Variants in EXT1 observed in about 807,000 individuals in gnomAD.
EXT1 encodes the protein exostosin glycosyltransferase 1, also known as exostosin-1.
A neutral mutation model predicts 82.5 loss-of-function variants in EXT1; 20 were observed. The observed-to-expected ratio is 0.24, with a 90% CI of 0.17 to 0.35. The LOEUF (loss-of-function observed/expected upper bound fraction) is 0.35. Ranked by LOEUF, EXT1 falls within the 10% of genes least tolerant of loss-of-function variation. EXT1 has a pLI of 1.00. For synonymous variants in EXT1, 348 were observed against 350.8 expected (o/e 0.99, Z 0.09); for missense variants, 757 against 936.5 (o/e 0.81, Z 2.50).
At chr8:117,911,552 G>A (rs1300066259) in intron 1 of EXT1, among the ~76,000 whole-genome samples, 1 of 152,188 alleles carries the variant, frequency 6.6e-6, no homozygotes, top group African/African-American at 2.4e-5. Context: ...ACCAAGAGAA[G>A]GCAAGTCAAG....
chr8:117,961,830 C>T (rs916930611), intron 1 of EXT1, among the ~76,000 whole-genome samples: 16 of 152,074 alleles, frequency 1.1e-4, no homozygotes, highest in Non-Finnish European at 1.6e-4. Context: ...GCCTGAAAAA[C>T]GGGGTCTAAA....
chr8:118,068,838 T>G (rs572665642), intron 1 of EXT1, among the ~76,000 whole-genome samples: 12 of 152,186 alleles, frequency 7.9e-5, no homozygotes, highest in Non-Finnish European at 1.6e-4. Context: ...TTCCTCAAAT[T>G]TTTTAGAAGA....
chr8:118,011,728 G>A (rs1488572109), intron 1 of EXT1, among the ~76,000 whole-genome samples: 1 of 152,104 alleles, frequency 6.6e-6, no homozygotes, highest in Non-Finnish European at 1.5e-5. Flanking sequence ...GGCTCCTAAG[G>A]CTTTCATTTG....
At chr8:117,809,227 ATATATATATATATAT>A (rs894782553) in intron 8 of EXT1, among the ~76,000 whole-genome samples, 1 of 134,012 alleles carries the variant, frequency 7.5e-6, no homozygotes, top group Admixed American at 7.9e-5. Context: ...AAATATATAT[ATATATATATATATAT>A]ATTATGTTCT....
intron 1 of EXT1, among the ~76,000 whole-genome samples, chr8:117,912,244 A>C (rs1375258548): frequency 6.6e-6 from 1 of 152,204 alleles, no homozygotes; most frequent in Non-Finnish European, 1.5e-5. Flanking sequence ...ACTGCTTAGA[A>C]GTCCTAACAG....
At chr8:118,100,126 G>A (rs1213888727) in intron 1 of EXT1, among the ~76,000 whole-genome samples, 3 of 152,146 alleles carry the variant, frequency 2.0e-5, no homozygotes, top group Admixed American at 1.3e-4. Context: ...GGCCCTGGAC[G>A]AGAGAATTCA....
intron 1 of EXT1, among the ~76,000 whole-genome samples, chr8:117,952,108 C>T (rs537739690): frequency 2.6e-5 from 4 of 152,260 alleles, no homozygotes; most frequent in African/African-American, 9.6e-5. Context: ...CATAAAAACA[C>T]AGCTCCTAGT....
chr8:117,975,477 A>G (rs1378589746), intron 1 of EXT1, among the ~76,000 whole-genome samples: 5 of 151,792 alleles, frequency 3.3e-5, no homozygotes, highest in Non-Finnish European at 7.4e-5. Context: ...CAAAGCCCTC[A>G]CCCTCACTCT....
intron 1 of EXT1, among the ~76,000 whole-genome samples, chr8:118,080,492 C>T (rs1274128706): frequency 6.6e-6 from 1 of 151,766 alleles, no homozygotes; most frequent in Non-Finnish European, 1.5e-5. Context: ...TGAAGAAGTT[C>T]TGGTGGAGAC....
Position 117,799,883 on chromosome 8 carries a change from G to T in EXT1, c.2070C>A (p.Ser690=). The T allele has an allele frequency of 6.2e-7, 1 of 1,614,048 alleles. No individual in the cohort carries two copies. Among genetic ancestry groups the T allele is most frequent in the Non-Finnish European group, 8.5e-7 (1 of 1,180,032 alleles). The part of the protein sequence containing the change: ...ETMMGQTSRA[S]RWADPDHFAQ... ...CAAAGTGGTCAGGGTCAGCCCAACG[G>T]GAAGCCCGAGAAGTCTAGGGAGAAG... is the stretch of plus-strand genomic sequence containing the variant. Residue 690 remains serine, a synonymous_variant, in exon 11 of 11, where the codon TCC becomes TCA. Coordinates refer to ENST00000378204, the MANE Select transcript of EXT1 (RefSeq NM_000127.3).
At chr8:117,905,018 A>T (rs1031185145) in intron 1 of EXT1, among the ~76,000 whole-genome samples, 1 of 152,188 alleles carries the variant, frequency 6.6e-6, no homozygotes, top group African/African-American at 2.4e-5. Context: ...TTATGCCTCA[A>T]TTAAAAAAGC....
intron 4 of EXT1, among the ~76,000 whole-genome samples, chr8:117,829,781 G>A (rs1054906960): frequency 1.3e-5 from 2 of 151,838 alleles, no homozygotes; most frequent in Non-Finnish European, 2.9e-5. Flanking sequence ...CACCATGTTG[G>A]CCAGGTCTTG....
chr8:117,965,128 T>G (rs1586313509), intron 1 of EXT1, among the ~76,000 whole-genome samples: 1 of 125,532 alleles, frequency 8.0e-6, no homozygotes, highest in Admixed American at 8.9e-5. Flanking sequence ...TAGTGTCTTG[T>G]TTTTTTGTTT....
chr8:117,882,980 G>GAAAAAAAAAAAAAAAAAAAA (rs1320976687), intron 1 of EXT1, among the ~76,000 whole-genome samples: 1 of 65,866 alleles, frequency 1.5e-5, no homozygotes, highest in Non-Finnish European at 3.5e-5. Context: ...CTGTCTCAAA[G>GAAAAAAAAAAAAAAAAAAAA]AAAAAAAAAA....
chr8:117,826,776 G>A (rs1334657030), intron 4 of EXT1, among the ~76,000 whole-genome samples: 1 of 151,802 alleles, frequency 6.6e-6, no homozygotes, highest in South Asian at 2.1e-4. Context: ...ATGGTTTTTA[G>A]TGTTTAAAAA....
At chr8:118,006,962 C>T (rs1214893382) in intron 1 of EXT1, among the ~76,000 whole-genome samples, 2 of 152,178 alleles carry the variant, frequency 1.3e-5, no homozygotes, top group Admixed American at 6.5e-5. Context: ...ATGTGAAATC[C>T]TTCAGTTGTT....
intron 1 of EXT1, among the ~76,000 whole-genome samples, chr8:117,901,136 T>C (rs1586273699): frequency 6.6e-6 from 1 of 152,164 alleles, no homozygotes; most frequent in African/African-American, 2.4e-5. Flanking sequence ...CACTTAACAA[T>C]GGGGTTACGT....
intron 1 of EXT1, among the ~76,000 whole-genome samples, chr8:117,987,858 C>T (rs9650072): frequency 6.6e-6 from 1 of 151,968 alleles, no homozygotes; most frequent in Non-Finnish European, 1.5e-5. Flanking sequence ...GAGGCCTAGG[C>T]GGAAGGATCG....
intron 1 of EXT1, among the ~76,000 whole-genome samples, chr8:118,046,551 ACT>A (rs1414310259): frequency 2.0e-5 from 3 of 152,108 alleles, no homozygotes; most frequent in Non-Finnish European, 4.4e-5. Context: ...CAAGGCAGTG[ACT>A]GCAGAGCTCA....
Sources: allele counts gnomAD v4.1 joint callset (sites outside exome capture counted in the v4.1 genomes callset), GRCh38; gene constraint gnomAD v4.1.1; transcripts MANE v1.5; gene names NCBI Gene and HGNC (gene_info 2026-07-23, HGNC 2026-07-21).